The following PHF8 variants were observed in gnomAD, a reference collection of about 807,000 sequenced individuals.
The protein encoded by PHF8 is histone lysine demethylase PHF8.
PHF8 carries 9 observed loss-of-function variants against 74.4 expected under a neutral mutation model. That is an observed-to-expected ratio of 0.12 (90% CI 0.07 to 0.21). The LOEUF (loss-of-function observed/expected upper bound fraction) is 0.21, where lower values mean the gene tolerates loss of function less well. Ranked by LOEUF, PHF8 falls within the 10% of genes least tolerant of loss-of-function variation. PHF8 has a pLI of 1.00. For missense variants in PHF8, 478 were observed against 816.6 expected (o/e 0.59, Z 5.05); for synonymous variants, 311 against 316.6 (o/e 0.98, Z 0.19).
intron 18 of PHF8, among the ~76,000 whole-genome samples, chrX:53,983,560 G>A (rs2065512153): frequency 9.0e-6 from 1 of 111,729 alleles, no homozygotes. Flanking sequence ...ATCATGTACT[G>A]GCCCTTTTGG....
chrX:53,942,306 A>G (rs781872760), intron 20 of PHF8, among the ~76,000 whole-genome samples: 1 of 112,190 alleles, frequency 8.9e-6, no homozygotes, highest in Admixed American at 9.5e-5. Context: ...ATTCTAAAAG[A>G]GCTTGTACGT....
chrX:53,951,607 C>T (rs1450402311), intron 19 of PHF8, among the ~76,000 whole-genome samples: 1 of 110,403 alleles, frequency 9.1e-6, no homozygotes, highest in Non-Finnish European at 1.9e-5. Flanking sequence ...CCCGCCACCA[C>T]GCCCGGCTAA....
chrX:54,036,955 G>A (rs1265582844), intron 2 of PHF8, among the ~76,000 whole-genome samples: 2 of 102,953 alleles, frequency 1.9e-5, no homozygotes, highest in African/African-American at 3.6e-5. Context: ...AGCCGAGATC[G>A]CGCCATTGCA....
intron 18 of PHF8, among the ~76,000 whole-genome samples, chrX:53,967,376 C>A (rs2065221481): frequency 9.2e-6 from 1 of 109,165 alleles, no homozygotes; most frequent in African/African-American, 3.3e-5. Context: ...GGGGGTCAGC[C>A]CCCCGCCCGG....
At chrX:54,001,732 TAACAAGACCCTGTTCATAC>T (rs2065830658) in intron 10 of PHF8, among the ~76,000 whole-genome samples, 1 of 110,917 alleles carries the variant, frequency 9.0e-6, no homozygotes, top group African/African-American at 3.3e-5. Context: ...CTGGTCAACA[TAACAAGACCCTGTTCATAC>T]AAAAAATTTA....
At chrX:54,045,250 GGCTGAGTTAGTGGAGCTTT>G (rs781945162), upstream of PHF8, 28 of 191,779 alleles carry the variant, frequency 1.5e-4, no homozygotes, top group African/African-American at 5.0e-4. Flanking sequence ...TGAGAGGAAA[GGCTGAGTTAGTGGAGCTTT>G]GCTGAGTTAG....
chrX:53,988,973 TC>T (rs1317579765), intron 14 of PHF8, among the ~76,000 whole-genome samples: 13 of 108,375 alleles, frequency 1.2e-4, no homozygotes, highest in Non-Finnish European at 2.3e-4. Context: ...TTTTTTTTTT[TC>T]TTTTTGAGAT....
chrX:53,979,579 A>G, intron 18 of PHF8, among the ~76,000 whole-genome samples: 1 of 111,443 alleles, frequency 9.0e-6, no homozygotes, highest in East Asian at 2.8e-4. Context: ...AATAAACTAG[A>G]TGAACTATTG....
chrX:53,940,331 C>A lies in PHF8; in HGVS notation c.2835G>T (p.Leu945=). Residue 945 remains leucine, a synonymous_variant, in exon 21 of 22, where the codon CTG becomes CTT. Transcript: ENST00000338154. The stretch of plus-strand genomic sequence containing the variant: ...ACTCATGGTCAGCGAGACTTCCTGA[C>A]AGGGCCTCTTGTTTAGGCTCAGGAG... The part of the protein sequence containing the change: ...LPPPEPKQEA[L]SGSLADHEYT... The A allele has an allele frequency of 8.3e-7, 1 of 1,209,998 alleles. No homozygotes were observed. The highest frequency in any genetic ancestry group is 1.8e-5 in the South Asian group (1 of 56,540).
At position 54,011,346 on chromosome X, in the gene PHF8, G is replaced by A. The variant is rs1025123017; in HGVS notation, c.784-62C>T. 3.1e-6 allele frequency: 3 copies of A among 964,599 alleles called. No individual in the cohort carries two copies. The Admixed American group carries it at 6.7e-5, about 21-fold the overall frequency. The allele number at this position is 964,599 out of a possible 1,213,427, so 79.5% of individuals were successfully genotyped here. On this transcript the variant is annotated intron_variant, in intron 7 of 21. Coordinates refer to ENST00000338154, the MANE Select transcript of PHF8 (RefSeq NM_015107.3). ...AGGGTTTCCAGAAAAGTCCTTAACG[G>A]GTACTCCAAAGGGGTATTTCTCCCA...
At chrX:54,009,844 GAAAAAAAAAAAAAAAA>G (rs782363250) in intron 8 of PHF8, among the ~76,000 whole-genome samples, 230 of 9,335 alleles carry the variant, frequency 0.025, no homozygotes, top group Non-Finnish European at 0.095. Context: ...CTCTGTCTCA[GAAAAAAAAAAAAAAAA>G]AAAAAAAAAA....
chrX:54,017,172 G>A (rs1300792669), intron 5 of PHF8, among the ~76,000 whole-genome samples: 1 of 113,213 alleles, frequency 8.8e-6, no homozygotes, highest in Non-Finnish European at 1.9e-5. Flanking sequence ...AGAAGGGGCT[G>A]GGCGTGGTGG....
intron 14 of PHF8, among the ~76,000 whole-genome samples, chrX:53,992,149 G>A (rs782146237): frequency 1.8e-5 from 2 of 112,210 alleles, no homozygotes; most frequent in South Asian, 7.3e-4. Flanking sequence ...GTATTATTAT[G>A]TAACCTGATT....
chrX:53,991,813 G>A (rs1331444390), intron 14 of PHF8, among the ~76,000 whole-genome samples: 1 of 110,093 alleles, frequency 9.1e-6, no homozygotes, highest in Non-Finnish European at 1.9e-5. Flanking sequence ...GCTCAGCCTG[G>A]GCAATAACAG....
rs782228820 is a variant in PHF8, at chrX:54,026,530, TTTG to T, written c.99-3690_99-3688del. On this transcript the variant is annotated intron_variant, in intron 2 of 21. Transcript: ENST00000338154. ...CTACTTCTGGTTTTTGGTTTTGGCT[TTTG>T]TTGTTGTTGTTGTTGTTGTTGTTAA... 1.8e-3 allele frequency among the ~76,000 whole-genome samples: 187 copies of T among 103,096 alleles called. 1 individual carries two copies. The highest frequency in any genetic ancestry group is 6.9e-3 in the African/African-American group (177 of 25,802). The allele number at this position is 103,096 out of a possible 115,157, so 89.5% of individuals were successfully genotyped here.
intron 2 of PHF8, among the ~76,000 whole-genome samples, chrX:54,026,038 C>T (rs1172138422): frequency 3.6e-5 from 4 of 111,447 alleles, no homozygotes; most frequent in Admixed American, 9.6e-5. Flanking sequence ...TGGATTGGTG[C>T]CATCATAAAT....
At chrX:53,991,661 C>CAAAA (rs1201744328) in intron 14 of PHF8, among the ~76,000 whole-genome samples, 3 of 16,745 alleles carry the variant, frequency 1.8e-4, no homozygotes, top group African/African-American at 6.9e-4. Context: ...GACTCTGTCT[C>CAAAA]AAAAAAAAAA....
intron 18 of PHF8, among the ~76,000 whole-genome samples, chrX:53,971,336 A>C (rs1569525652): frequency 9.0e-6 from 1 of 111,438 alleles, no homozygotes; most frequent in Non-Finnish European, 1.9e-5. Context: ...CAGCTAAACC[A>C]GTGTTAAGAA....
chrX:54,008,792 A>G (rs1444640810), intron 8 of PHF8, among the ~76,000 whole-genome samples: 1 of 112,386 alleles, frequency 8.9e-6, no homozygotes, highest in Non-Finnish European at 1.9e-5. Context: ...GCAAATCCAT[A>G]CACAAATGAA....
Sources: gnomAD v4.1 joint callset for allele counts (sites outside exome capture counted in the v4.1 genomes callset) on GRCh38, gnomAD v4.1.1 for gene constraint, MANE v1.5 for transcripts, NCBI Gene and HGNC (gene_info 2026-07-23, HGNC 2026-07-21) for gene names.